MACROD2: variants seen among roughly 807,000 people sequenced by gnomAD.
MACROD2 encodes mono-ADP ribosylhydrolase 2, also known as ADP-ribose glycohydrolase MACROD2.
Under a neutral mutation model 70.4 loss-of-function variants are expected in MACROD2, and 36 were observed. The ratio of observed to expected loss-of-function variants is 0.51; its 90% CI spans 0.39 to 0.68. The LOEUF is 0.68. Among genes scored for constraint, MACROD2 ranks in the 30% least tolerant of loss-of-function variants. MACROD2 has a pLI of 0.00. For synonymous variants in MACROD2, 172 were observed against 178.8 expected, an observed-to-expected ratio of 0.96 and a Z score of 0.30; for missense variants, 496 against 538.4, an observed-to-expected ratio of 0.92 and a Z score of 0.78.
intron 8 of MACROD2, among the ~76,000 whole-genome samples, chr20:15,803,494 G>C (rs2063743829): frequency 6.6e-6 from 1 of 152,126 alleles, no homozygotes; most frequent in Non-Finnish European, 1.5e-5. Flanking sequence ...TTGGAGTTGA[G>C]GAGGAGATCA....
intron 6 of MACROD2, among the ~76,000 whole-genome samples, chr20:15,367,763 C>T (rs187266342): frequency 5.9e-4 from 90 of 151,638 alleles, no homozygotes; most frequent in Admixed American, 1.8e-3. Flanking sequence ...CTTATGTCCA[C>T]GAAGAAATTA....
intron 3 of MACROD2, among the ~76,000 whole-genome samples, chr20:14,099,898 A>G (rs1053769255): frequency 6.6e-6 from 1 of 152,158 alleles, no homozygotes; most frequent in African/African-American, 2.4e-5. Context: ...ATATACCATG[A>G]TAAATCAAAT....
At chr20:14,396,488 C>T (rs1046057889) in intron 3 of MACROD2, among the ~76,000 whole-genome samples, 6 of 152,094 alleles carry the variant, frequency 3.9e-5, no homozygotes, top group African/African-American at 1.4e-4. Context: ...ATATCATTTT[C>T]TCTGGAATCT....
intron 4 of MACROD2, among the ~76,000 whole-genome samples, chr20:14,673,321 C>T (rs1468056030): frequency 2.0e-5 from 3 of 152,174 alleles, no homozygotes; most frequent in Non-Finnish European, 4.4e-5. Context: ...TTGCTCATCA[C>T]TTTCTGGAGC....
At chr20:15,645,498 A>G (rs1006008182) in intron 8 of MACROD2, among the ~76,000 whole-genome samples, 16 of 152,178 alleles carry the variant, frequency 1.1e-4, no homozygotes, top group African/African-American at 3.6e-4. Context: ...TCTCTGAAAA[A>G]CTCGGAAAAG....
chr20:15,912,132 T>A (rs1212673313), intron 10 of MACROD2, among the ~76,000 whole-genome samples: 1 of 152,266 alleles, frequency 6.6e-6, no homozygotes, highest in Non-Finnish European at 1.5e-5. Flanking sequence ...TATGACTGGC[T>A]TCATTTTAAA....
intron 5 of MACROD2, among the ~76,000 whole-genome samples, chr20:14,853,367 C>T (rs973660421): frequency 1.3e-5 from 2 of 151,976 alleles, no homozygotes; most frequent in African/African-American, 4.8e-5. Flanking sequence ...AGTTAGGTTG[C>T]ATAGGTGCTT....
chr20:15,909,225 T>C (rs1416162001), intron 10 of MACROD2, among the ~76,000 whole-genome samples: 2 of 152,206 alleles, frequency 1.3e-5, no homozygotes, highest in Non-Finnish European at 2.9e-5. Context: ...TCTACCAGCA[T>C]GGGGGGCTTA....
chr20:15,402,418 T>C (rs144747066), intron 6 of MACROD2, among the ~76,000 whole-genome samples: 2 of 152,358 alleles, frequency 1.3e-5, no homozygotes, highest in African/African-American at 4.8e-5. Flanking sequence ...GAACTATAAA[T>C]ATTTTAAATA....
At chr20:15,253,285 A>G (rs1172717408) in intron 6 of MACROD2, among the ~76,000 whole-genome samples, 1 of 152,182 alleles carries the variant, frequency 6.6e-6, no homozygotes, top group African/African-American at 2.4e-5. Context: ...AAAATTGCAT[A>G]GTTGTAATTA....
chr20:15,378,370 G>A (rs893860503), intron 6 of MACROD2, among the ~76,000 whole-genome samples: 2 of 151,862 alleles, frequency 1.3e-5, no homozygotes, highest in Non-Finnish European at 2.9e-5. Flanking sequence ...CCAGGCATGA[G>A]GAGATGATAC....
intron 4 of MACROD2, among the ~76,000 whole-genome samples, chr20:14,656,513 A>G (rs545721525): frequency 5.9e-5 from 9 of 152,348 alleles, no homozygotes; most frequent in African/African-American, 4.8e-5. Context: ...TCCTCTCTCT[A>G]TGATATAGGT....
At chr20:14,575,032 AAAAAAAAAAAT>A (rs1434727792) in intron 4 of MACROD2, among the ~76,000 whole-genome samples, 111 of 138,176 alleles carry the variant, frequency 8.0e-4, no homozygotes, top group Middle Eastern at 3.5e-3. Context: ...AAAAAAAAAA[AAAAAAAAAAAT>A]ATTCACAAAG....
chr20:13,995,687 C>CAA lies in MACROD2; in HGVS notation c.-77_-76insAA. On this transcript the variant is annotated 5_prime_UTR_variant, in exon 1 of 18. Coordinates refer to ENST00000684519, the MANE Select transcript of MACROD2 (RefSeq NM_001351661.2). The surrounding 1 kb of genome is among the most constrained non-coding windows in gnomAD (Gnocchi z 4.3). ...CCCTGCTGAGTGCCCCCTCCCACCC[C>CAA]TCCCACTCCACACACACCCTGTTTG... is the stretch of plus-strand genomic sequence containing the variant. The CAA allele has an allele frequency of 8.6e-7, 1 of 1,164,992 alleles. No homozygotes were observed. The highest frequency in any genetic ancestry group is 1.3e-6 in the Non-Finnish European group (1 of 777,790). 72.2% of individuals were successfully genotyped at this position (1,164,992 alleles called of 1,614,324 possible).
chr20:14,730,831 C>T (rs956859135), intron 5 of MACROD2, among the ~76,000 whole-genome samples: 4 of 151,878 alleles, frequency 2.6e-5, no homozygotes, highest in African/African-American at 9.7e-5. Context: ...AAAGGGAGAT[C>T]AGGTTTAAAG....
chr20:15,067,511 G>A (rs747456137), intron 5 of MACROD2, among the ~76,000 whole-genome samples: 22 of 151,804 alleles, frequency 1.4e-4, no homozygotes, highest in Non-Finnish European at 2.8e-4. Flanking sequence ...CACCACACCC[G>A]GCTAATTTTT....
At chr20:15,797,548 A>G (rs2063686308) in intron 8 of MACROD2, among the ~76,000 whole-genome samples, 1 of 152,146 alleles carries the variant, frequency 6.6e-6, no homozygotes, top group African/African-American at 2.4e-5. Flanking sequence ...AGCAAAGTAA[A>G]AGCTTCTTAG....
intron 12 of MACROD2, among the ~76,000 whole-genome samples, chr20:15,956,167 T>C (rs1287624795): frequency 2.0e-5 from 3 of 152,154 alleles, no homozygotes; most frequent in African/African-American, 7.2e-5. Flanking sequence ...TTTAGATTGA[T>C]GAGAATGTGT....
At chr20:14,868,400 A>G (rs1297091452) in intron 5 of MACROD2, among the ~76,000 whole-genome samples, 1 of 151,906 alleles carries the variant, frequency 6.6e-6, no homozygotes, top group Non-Finnish European at 1.5e-5. Context: ...TCTGGAGCTC[A>G]AATGATTCTC....
Sources: allele counts gnomAD v4.1 joint callset (sites outside exome capture counted in the v4.1 genomes callset), GRCh38; gene constraint gnomAD v4.1.1; non-coding constraint Gnocchi (gnomAD v3.1); transcripts MANE v1.5; gene names NCBI Gene and HGNC (gene_info 2026-07-23, HGNC 2026-07-21).